Variants in DNAAF4 observed in about 807,000 individuals in gnomAD.
DNAAF4 encodes dynein axonemal assembly factor 4, also known as dynein assembly factor 4, axonemal.
Under a neutral mutation model 51.8 loss-of-function variants are expected in DNAAF4, and 43 were observed. That is an observed-to-expected ratio of 0.83 (90% CI 0.65 to 1.07). The LOEUF is 1.07. Among genes scored for constraint, DNAAF4 ranks in the 50% least tolerant of loss-of-function variants. DNAAF4 has a pLI of 0.00. For synonymous variants in DNAAF4, 194 were observed against 165.6 expected, an observed-to-expected ratio of 1.17 and a Z score of -1.32; for missense variants, 581 against 493.0, an observed-to-expected ratio of 1.18 and a Z score of -1.69.
Position 55,450,334 on chromosome 15 carries a change from A to C in DNAAF4, c.671T>G (p.Leu224Ter). 1 of 1,613,162 alleles carries C rather than the reference A, an allele frequency of 6.2e-7. No homozygotes were observed. The highest frequency in any genetic ancestry group is 2.2e-5 in the East Asian group (1 of 44,858). Residue 224 changes from leucine (L) to a stop codon, truncating the protein, a stop_gained, in exon 6 of 10, where the codon TTA becomes TGA. Transcript: ENST00000321149. LOFTEE classifies it high-confidence loss of function. Reference sequence around the variant, plus strand: ...AGGAGCAGGAATACTGTCTTCCTTTAACTTCTCAGTAAATATATTTTCTGA... The same window carrying C: ...AGGAGCAGGAATACTGTCTTCCTTTCACTTCTCAGTAAATATATTTTCTGA... Reference protein sequence around the residue: ...RNSENIFTEKLKEDSIPAPRS... With the variant: ...RNSENIFTEK
intron 5 of DNAAF4, among the ~76,000 whole-genome samples, chr15:55,452,417 A>C (rs1228369000): frequency 6.6e-6 from 1 of 151,980 alleles, no homozygotes; most frequent in African/African-American, 2.4e-5. Flanking sequence ...TAACTAAAAA[A>C]AACTATATTG....
chr15:55,466,614 T>C (rs1323168914), intron 5 of DNAAF4, among the ~76,000 whole-genome samples: 1 of 152,194 alleles, frequency 6.6e-6, no homozygotes, highest in Non-Finnish European at 1.5e-5. Context: ...CTGACATTGC[T>C]AGTCCACTCC....
chr15:55,448,544 G>C lies in DNAAF4; in HGVS notation c.783+1678C>G, dbSNP rs974679184. Among the ~76,000 whole-genome samples the C allele has an allele frequency of 2.5e-4, 36 of 146,590 alleles. 1 individual carries two copies. The highest frequency in any genetic ancestry group is 8.3e-4 in the African/African-American group (33 of 39,644). On this transcript the variant is annotated intron_variant, in intron 6 of 9. Transcript: ENST00000321149. ...GGTGTGTGTGTGTGTGTGTGTGTGT[G>C]TGTGTGTGTGTGTGTATAAACACAA...
chr15:55,471,235 T>A (rs1254402982), intron 4 of DNAAF4, among the ~76,000 whole-genome samples: 1 of 152,132 alleles, frequency 6.6e-6, no homozygotes, highest in Non-Finnish European at 1.5e-5. Context: ...AGACAACTAG[T>A]CATAGCTTGG....
chr15:55,471,200 G>A (rs1285351872), intron 4 of DNAAF4, among the ~76,000 whole-genome samples: 2 of 152,142 alleles, frequency 1.3e-5, no homozygotes, highest in Non-Finnish European at 2.9e-5. Context: ...CTATCAAAAT[G>A]ATGGGGAGGG....
At chr15:55,503,603 T>C (rs1234239490) in intron 1 of DNAAF4, among the ~76,000 whole-genome samples, 1 of 152,164 alleles carries the variant, frequency 6.6e-6, no homozygotes, top group Non-Finnish European at 1.5e-5. Flanking sequence ...ATCCCTGGGA[T>C]GTAAGGCTGG....
chr15:55,486,103 A>C (rs1465578887), intron 4 of DNAAF4, among the ~76,000 whole-genome samples: 1 of 150,658 alleles, frequency 6.6e-6, no homozygotes, highest in Admixed American at 6.6e-5. Flanking sequence ...TCCACTAATC[A>C]CCTCATATCC....
At chr15:55,436,310 T>C (rs2057609738) in intron 7 of DNAAF4, among the ~76,000 whole-genome samples, 1 of 152,212 alleles carries the variant, frequency 6.6e-6, no homozygotes, top group Non-Finnish European at 1.5e-5. Context: ...AAACATCTTT[T>C]TATATTTACT....
intron 6 of DNAAF4, among the ~76,000 whole-genome samples, chr15:55,440,914 C>G (rs2057700896): frequency 6.6e-6 from 1 of 151,698 alleles, no homozygotes; most frequent in Non-Finnish European, 1.5e-5. Context: ...AACTCCTGAC[C>G]TTGTGATTCA....
At chr15:55,466,477 C>G (rs1162949094) in intron 5 of DNAAF4, among the ~76,000 whole-genome samples, 6 of 152,136 alleles carry the variant, frequency 3.9e-5, no homozygotes, top group East Asian at 1.9e-4. Context: ...AGATTAAAAG[C>G]TAGAAGCAAT....
At chr15:55,433,242 A>G (rs1396058728) in intron 8 of DNAAF4, among the ~76,000 whole-genome samples, 1 of 151,132 alleles carries the variant, frequency 6.6e-6, no homozygotes, top group Non-Finnish European at 1.5e-5. Context: ...AGGGGTTGCA[A>G]TAAGCCAAGA....
At chr15:55,472,163 T>A (rs1375967054) in intron 4 of DNAAF4, among the ~76,000 whole-genome samples, 1 of 152,126 alleles carries the variant, frequency 6.6e-6, no homozygotes, top group East Asian at 1.9e-4. Context: ...TAAATAAAAA[T>A]CATCTAATAT....
chr15:55,506,412 A>G (rs1370810092), intron 1 of DNAAF4, among the ~76,000 whole-genome samples: 4 of 152,140 alleles, frequency 2.6e-5, no homozygotes, highest in Non-Finnish European at 4.4e-5. Context: ...CCTCCACACT[A>G]TTAACATTAT....
chr15:55,464,802 T>C (rs2058144547), intron 5 of DNAAF4, among the ~76,000 whole-genome samples: 1 of 151,886 alleles, frequency 6.6e-6, no homozygotes, highest in South Asian at 2.1e-4. Flanking sequence ...ACCCCATCTC[T>C]AAATTAGCCA....
chr15:55,470,844 C>A (rs1278469714), intron 4 of DNAAF4, among the ~76,000 whole-genome samples: 1 of 103,404 alleles, frequency 9.7e-6, no homozygotes. Flanking sequence ...CTATGCCTGG[C>A]GGATTTTTTT....
intron 4 of DNAAF4, among the ~76,000 whole-genome samples, chr15:55,483,833 C>CATTTTTTTT (rs1567028675): frequency 1.2e-5 from 1 of 82,504 alleles, no homozygotes; most frequent in Non-Finnish European, 2.2e-5. Context: ...GCCAATAAAG[C>CATTTTTTTT]TTTTTTTTTT....
intron 1 of DNAAF4, among the ~76,000 whole-genome samples, chr15:55,505,529 A>G (rs2058722553): frequency 1.3e-5 from 2 of 152,338 alleles, no homozygotes; most frequent in Admixed American, 6.5e-5. Context: ...ATGTCCATCA[A>G]TAATAGACTG....
At chr15:55,501,013 AT>A (rs1369278044) in intron 1 of DNAAF4, among the ~76,000 whole-genome samples, 5 of 142,548 alleles carry the variant, frequency 3.5e-5, no homozygotes, top group Non-Finnish European at 4.5e-5. Context: ...AAAAAAAAAA[AT>A]GGAAACTTAA....
intron 2 of DNAAF4, 84 bp from the exon 3 acceptor site, chr15:55,497,943 A>C: frequency 1.3e-6 from 2 of 1,513,204 alleles, no homozygotes; most frequent in South Asian, 1.3e-5. Context: ...AAGGTAAAAT[A>C]ACTTTCTAAA....
Sources: gnomAD v4.1 joint callset for allele counts (sites outside exome capture counted in the v4.1 genomes callset) on GRCh38, gnomAD v4.1.1 for gene constraint, MANE v1.5 for transcripts, NCBI Gene and HGNC (gene_info 2026-07-23, HGNC 2026-07-21) for gene names.